TBC1D17: variants seen among roughly 807,000 people sequenced by gnomAD.
TBC1D17 encodes TBC1 domain family, member 17.
TBC1D17 carries 69 observed loss-of-function variants against 78.8 expected under a neutral mutation model. The observed-to-expected ratio is 0.88, with a 90% CI of 0.72 to 1.07. The LOEUF (loss-of-function observed/expected upper bound fraction) is 1.07, where lower values mean the gene tolerates loss of function less well. Among genes scored for constraint, TBC1D17 ranks in the 50% least tolerant of loss-of-function variants. The pLI, the probability that TBC1D17 is intolerant of heterozygous loss-of-function variation, is 0.00. For missense variants in TBC1D17, 957 were observed against 861.0 expected (o/e 1.11, Z -1.39); for synonymous variants, 456 against 358.3 (o/e 1.27, Z -3.08).
At chr19:49,885,698 A>T (rs995686141) in intron 13 of TBC1D17, among the ~76,000 whole-genome samples, 1 of 150,962 alleles carries the variant, frequency 6.6e-6, no homozygotes, top group Non-Finnish European at 1.5e-5. Context: ...GCGCAATGTC[A>T]TCCTGGGATC....
intron 9 of TBC1D17, among the ~76,000 whole-genome samples, chr19:49,883,355 G>A (rs914163714): frequency 6.6e-6 from 1 of 152,086 alleles, no homozygotes; most frequent in African/African-American, 2.4e-5. Flanking sequence ...CCTGGTGTAG[G>A]TTATATACCT....
rs753337539 is a variant in TBC1D17 at position 49,884,283 on chromosome 19, A to T, written c.1157A>T (p.Asn386Ile). The T allele has an allele frequency of 1.2e-6, 2 of 1,613,954 alleles. No individual in the cohort carries two copies. The highest frequency in any genetic ancestry group is 1.7e-6 in the Non-Finnish European group (2 of 1,180,014). ...ERDVSRTDRT[N>I]KFYEGPENPG... ...GATGTGAGCCGCACTGACAGGACCA[A>T]CAAGTTCTACGAGGGTCCCGAGAAC... Residue 386 changes from asparagine (N) to isoleucine (I), a missense_variant, in exon 11 of 17, where the codon AAC becomes ATC. Asn to Ile is a moderately radical substitution (Grantham distance 149). Coordinates refer to ENST00000221543, the MANE Select transcript of TBC1D17 (RefSeq NM_024682.3).
intron 1 of TBC1D17, 59 bp downstream of exon 1, chr19:49,877,803 TC>T: frequency 1.3e-6 from 2 of 1,538,998 alleles, no homozygotes; most frequent in Middle Eastern, 3.4e-4. Context: ...CGTCTAGTGA[TC>T]AGCTCTTCTC....
At chr19:49,880,767 C>G (rs989807056) in intron 4 of TBC1D17, among the ~76,000 whole-genome samples, 1 of 152,198 alleles carries the variant, frequency 6.6e-6, no homozygotes, top group East Asian at 1.9e-4. Flanking sequence ...AGAGAAGGCA[C>G]GTGACCCCTC....
intron 5 of TBC1D17, 126 bp from the exon 6 acceptor site, chr19:49,881,915 G>GA: frequency 1.2e-6 from 1 of 825,754 alleles, no homozygotes; most frequent in Non-Finnish European, 2.0e-6. Context: ...AGCATTCCCT[G>GA]AAATGAGGGG....
At position 49,882,122 on chromosome 19, in the gene TBC1D17, C is replaced by T. The variant is rs746465304; in HGVS notation, c.609C>T (p.Leu203=). 1.9e-6 allele frequency: 3 copies of T among 1,614,156 alleles called. No individual in the cohort carries two copies. In the South Asian group the frequency reaches 3.3e-5, roughly 18 times the overall value. The change falls in exon 6 of 17, where the codon CTC becomes CTT. Residue 203 remains leucine, a synonymous_variant. Coordinates refer to ENST00000221543, the MANE Select transcript of TBC1D17 (RefSeq NM_024682.3). ...ALSNSFHHLQ[L]FDQDSSNVVS... is the part of the protein sequence containing the mutation. ...CCAACTCCTTCCACCACCTGCAGCT[C>T]TTTGACCAGGACAGCTCCAATGTGG...
intron 7 of TBC1D17, 107 bp downstream of exon 7, chr19:49,882,507 A>G: frequency 2.0e-6 from 3 of 1,497,610 alleles, no homozygotes; most frequent in Non-Finnish European, 1.8e-6. Context: ...GGGGATGGTA[A>G]TGGGACACCC....
In TBC1D17 at chr19:49,884,554, C is replaced by T; in HGVS notation, c.1339C>T (p.Leu447Phe). The T allele has an allele frequency of 6.2e-7, 1 of 1,614,192 alleles. No individual in the cohort carries two copies. The highest frequency in any genetic ancestry group is 8.5e-7 in the Non-Finnish European group (1 of 1,180,032). Reference sequence around the variant, plus strand: ...CTGGTGTTTCTGTGGCTTCATGGAGCTCGTGGTGAGGCTTGGGTCAGGGGT... The same window carrying T: ...CTGGTGTTTCTGTGGCTTCATGGAGTTCGTGGTGAGGCTTGGGTCAGGGGT... ...AFWCFCGFMELVQGNFEESQE... is the reference protein window; with the variant it reads ...AFWCFCGFMEFVQGNFEESQE... The change falls in exon 12 of 17, where the codon CTC becomes TTC. Residue 447 changes from leucine (L) to phenylalanine (F), a missense_variant. Coordinates refer to ENST00000221543, the MANE Select transcript of TBC1D17 (RefSeq NM_024682.3).
At position 49,882,392 on chromosome 19, in the gene TBC1D17, A is replaced by G. The variant is rs2075023153; in HGVS notation, c.790A>G (p.Ile264Val). ...TGAGCCCGAGCCTGGATTCGAGGTC[A>G]TTTCCTGTGTGAGTAGTGAGTGGAC... Reference protein sequence around the residue: ...DDEPEPGFEVISCVELGPRPT... With the variant: ...DDEPEPGFEVVSCVELGPRPT... Residue 264 changes from isoleucine (I) to valine (V), a missense_variant, in exon 7 of 17, where the codon ATT becomes GTT. By Grantham distance (29) the Ile-to-Val change is conservative. Coordinates refer to ENST00000221543, the MANE Select transcript of TBC1D17 (RefSeq NM_024682.3). The G allele has an allele frequency of 6.2e-7, 1 of 1,605,020 alleles. No homozygotes were observed. The highest frequency in any genetic ancestry group is 8.5e-7 in the Non-Finnish European group (1 of 1,179,120).
chr19:49,878,403 G>A (rs1376166216), intron 2 of TBC1D17, 95 bp from the exon 3 acceptor site: 2 of 1,362,826 alleles, frequency 1.5e-6, no homozygotes, highest in Non-Finnish European at 2.1e-6. Context: ...GAAAGGCTGA[G>A]GGTAGAAACT....
In TBC1D17 at chr19:49,884,335, C is replaced by A; in HGVS notation, c.1209C>A (p.Ile403=). The A allele has an allele frequency of 1.2e-6, 2 of 1,614,062 alleles. No homozygotes were observed. Among genetic ancestry groups the A allele is most frequent in the Middle Eastern group, 1.6e-4 (1 of 6,062 alleles). The change falls in exon 11 of 17, where the codon ATC becomes ATA. Residue 403 remains isoleucine (I), a synonymous_variant. Coordinates refer to ENST00000221543, the MANE Select transcript of TBC1D17 (RefSeq NM_024682.3). ...CGGGGCTGGGCCTGCTGAACGATAT[C>A]CTCCTCACCTACTGCATGTATCACT... The part of the protein sequence containing the change: ...ENPGLGLLND[I]LLTYCMYHFD...
rs926176456 is a variant in TBC1D17 at position 49,887,837 on chromosome 19, G to C, written c.1659+3G>C. 2.5e-6 allele frequency: 4 copies of C among 1,605,124 alleles called. No homozygotes were observed. Among genetic ancestry groups the C allele is most frequent in the Non-Finnish European group, 3.4e-6 (4 of 1,176,614 alleles). ...TCGGCTCCAATGAGATCCTCAAGGT[G>C]AGGCTCCGGCCCCGCCCCCGCCCTG... is the stretch of plus-strand genomic sequence containing the variant. On this transcript the variant is annotated splice_donor_region_variant and intron_variant, in intron 15 of 16. Coordinates refer to ENST00000221543, the MANE Select transcript of TBC1D17 (RefSeq NM_024682.3).
chr19:49,885,939 C>G (rs1555815995), intron 13 of TBC1D17, among the ~76,000 whole-genome samples: 1 of 141,990 alleles, frequency 7.0e-6, no homozygotes, highest in Non-Finnish European at 1.5e-5. Context: ...TGTGCCATTG[C>G]ACTCCAGCCT....
chr19:49,884,501 A>G lies in TBC1D17; in HGVS notation c.1286A>G (p.Tyr429Cys), dbSNP rs2075042822. 1 of 1,614,104 alleles carries G rather than the reference A, an allele frequency of 6.2e-7. No homozygotes were observed. Among genetic ancestry groups the G allele is most frequent in the Non-Finnish European group, 8.5e-7 (1 of 1,180,020 alleles). Residue 429 changes from tyrosine (Y) to cysteine (C), a missense_variant, in exon 12 of 17, where the codon TAC (tyrosine) becomes TGC (cysteine). Physicochemically the swap from Tyr to Cys is radical, Grantham distance 194 (BLOSUM62 -2). Coordinates refer to ENST00000221543, the MANE Select transcript of TBC1D17 (RefSeq NM_024682.3). ...AGTGATCTTCTCTCCCCGATCCTCTACGTCATTCAGAACGAGGTGGATGCT... is the reference window on the plus strand; with the variant it reads ...AGTGATCTTCTCTCCCCGATCCTCTGCGTCATTCAGAACGAGGTGGATGCT... ...GMSDLLSPIL[Y>C]VIQNEVDAFW...
rs2075039103 is a variant in TBC1D17, at chr19:49,884,164, G to A, written c.1127-89G>A. 3 of 1,194,078 alleles carry A rather than the reference G, an allele frequency of 2.5e-6. No homozygotes were observed. The South Asian group carries it at 3.9e-5, about 15-fold the overall frequency. 74.0% of individuals were successfully genotyped at this position (1,194,078 alleles called of 1,614,324 possible). On this transcript the variant is annotated intron_variant, in intron 10 of 16. Transcript: ENST00000221543. ...ACCCCGAGGCTGGGGGCTGCCAGCA[G>A]GAGGAGCAGTGGGGGCTGGCACTGG...
rs2075002620 is a variant in TBC1D17, at chr19:49,880,374, A to G, written c.291A>G (p.Pro97=). The change falls in exon 4 of 17, where the codon CCA becomes CCG. Residue 97 remains proline (P), a synonymous_variant. Coordinates refer to ENST00000221543, the MANE Select transcript of TBC1D17 (RefSeq NM_024682.3). ...PDWAVISTVR[P]QLCHSEPTRG... ...GGGCTGTCATCAGCACTGTGCGGCCACAGCTCTGCCACTCAGAGCCCACGA... is the reference window on the plus strand; with the variant it reads ...GGGCTGTCATCAGCACTGTGCGGCCGCAGCTCTGCCACTCAGAGCCCACGA... The G allele has an allele frequency of 6.2e-7, 1 of 1,613,852 alleles. No individual in the cohort carries two copies. The highest frequency in any genetic ancestry group is 8.5e-7 in the Non-Finnish European group (1 of 1,179,966).
In TBC1D17 at chr19:49,877,836, TC is replaced by T. The variant is rs1257595416; in HGVS notation, c.21+94del. On this transcript the variant is annotated intron_variant, in intron 1 of 16. Transcript: ENST00000221543. ...TCTCTCAGGCCTTGGCTCTCGAGAA[TC>T]CGGCACGGCCTTGGCAAACACCGAT... is the stretch of plus-strand genomic sequence containing the variant. 2.2e-5 allele frequency: 32 copies of T among 1,442,338 alleles called. No individual in the cohort carries two copies. The Admixed American group carries it at 4.4e-4, about 20-fold the overall frequency. 89.3% of individuals were successfully genotyped at this position (1,442,338 alleles called of 1,614,324 possible).
Position 49,888,488 on chromosome 19 carries a change from C to T in TBC1D17, c.1811C>T (p.Ser604Leu). 3.2e-6 allele frequency: 5 copies of T among 1,582,632 alleles called. No individual in the cohort carries two copies. The highest frequency in any genetic ancestry group is 3.4e-6 in the Non-Finnish European group (4 of 1,169,220). Residue 604 changes from serine to leucine, a missense_variant, in exon 17 of 17, where the codon TCG (serine) becomes TTG (leucine). Coordinates refer to ENST00000221543, the MANE Select transcript of TBC1D17 (RefSeq NM_024682.3). ...CCGCCCGCAGAGCCCCACAGCCCCT[C>T]GCCCACCGCCTCCCCGCTGCCTCTG... is the stretch of plus-strand genomic sequence containing the variant. The part of the protein sequence containing the change: ...LAPPAEPHSP[S>L]PTASPLPLSP...
In TBC1D17 at chr19:49,882,997, G is replaced by C. The variant is rs117240064; in HGVS notation, c.952G>C (p.Glu318Gln). 6.2e-7 allele frequency: 1 copy of C among 1,611,008 alleles called. No homozygotes were observed. Among genetic ancestry groups the C allele is most frequent in the South Asian group, 1.1e-5 (1 of 90,978 alleles). The change falls in exon 9 of 17, where the codon GAG becomes CAG. Residue 318 changes from glutamate to glutamine, a missense_variant. Coordinates refer to ENST00000221543, the MANE Select transcript of TBC1D17 (RefSeq NM_024682.3). Reference protein sequence around the residue: ...SGGLSPSLRREAWKFLLGYLS... With the variant: ...SGGLSPSLRRQAWKFLLGYLS... ...GGGTCTGAGCCCCAGCCTGCGGCGC[G>C]AGGCCTGGAAGTTCCTCCTAGGGTA...
Sources: allele counts gnomAD v4.1 joint callset (sites outside exome capture counted in the v4.1 genomes callset), GRCh38; gene constraint gnomAD v4.1.1; transcripts MANE v1.5; gene names NCBI Gene and HGNC (gene_info 2026-07-23, HGNC 2026-07-21).